MALRD1: variants seen among roughly 807,000 people sequenced by gnomAD.
The protein encoded by MALRD1 is MAM and LDL receptor class A domain containing 1, also known as MAM and LDL-receptor class A domain-containing protein 1.
In MALRD1, 247 loss-of-function variants were observed where a neutral mutation model predicts 242.1. The ratio of observed to expected loss-of-function variants is 1.02; its 90% confidence interval spans 0.92 to 1.13. MALRD1 has a LOEUF of 1.13. MALRD1 is among the 50% of genes most tolerant of loss of function. The pLI is 0.00. For synonymous variants in MALRD1, 995 were observed against 866.6 expected (o/e 1.15, Z -2.60); for missense variants, 2,989 against 2,533.1 (o/e 1.18, Z -3.86).
chr10:19,730,868 T>C (rs967092485), intron 39 of MALRD1, 87 bp downstream of exon 39: 1 of 1,213,370 alleles, frequency 8.2e-7, no homozygotes, highest in South Asian at 1.4e-5. Flanking sequence ...CCAGTGTTGC[T>C]TGATCATGTT....
chr10:19,593,460 T>C (rs570148773), intron 33 of MALRD1, among the ~76,000 whole-genome samples: 112 of 152,314 alleles, frequency 7.4e-4, no homozygotes, highest in Non-Finnish European at 1.4e-3. Flanking sequence ...TCTTTACATA[T>C]AACACAAATT....
chr10:19,713,283 G>A (rs1834227803), intron 38 of MALRD1, among the ~76,000 whole-genome samples: 1 of 152,160 alleles, frequency 6.6e-6, no homozygotes, highest in Admixed American at 6.5e-5. Context: ...ATGTTTCTAA[G>A]CATTTATTCT....
At chr10:19,696,801 A>T (rs759114851) in intron 38 of MALRD1, among the ~76,000 whole-genome samples, 15 of 151,994 alleles carry the variant, frequency 9.9e-5, no homozygotes, top group Non-Finnish European at 1.8e-4. Flanking sequence ...CTGTAATCCC[A>T]GCTGCTTGGG....
chr10:19,258,864 G>T (rs756740595), intron 19 of MALRD1, among the ~76,000 whole-genome samples: 2 of 152,022 alleles, frequency 1.3e-5, no homozygotes, highest in East Asian at 1.9e-4. Flanking sequence ...TCTCAATCCT[G>T]CCACTCCTGT....
intron 36 of MALRD1, among the ~76,000 whole-genome samples, chr10:19,642,624 G>A (rs746974014): frequency 2.0e-5 from 3 of 152,116 alleles, no homozygotes; most frequent in Non-Finnish European, 4.4e-5. Context: ...CTAAAGCTAG[G>A]AACAAATTAG....
chr10:19,050,884 A>G (rs538097232), intron 1 of MALRD1, among the ~76,000 whole-genome samples: 2 of 152,332 alleles, frequency 1.3e-5, no homozygotes, highest in South Asian at 4.1e-4. Flanking sequence ...TTCAGAGAAA[A>G]GGTTAACGTG....
rs78420557 is a variant in MALRD1, at chr10:19,437,943, C to A, written c.4846-12364C>A. ...TTGCCCCATTCCAAGTCCTTCCTTA[C>A]AATTTTTGGTAGTTTCTTTTTGAGA... is the stretch of plus-strand genomic sequence containing the variant. On this transcript the variant is annotated intron_variant, in intron 28 of 39. Coordinates refer to ENST00000454679, the MANE Select transcript of MALRD1 (RefSeq NM_001142308.3). Among the ~76,000 whole-genome samples, 994 of 152,160 alleles carry A rather than the reference C, an allele frequency of 6.5e-3. 12 individuals are homozygous for A. Among genetic ancestry groups the A allele is most frequent in the Admixed American group, 0.024 (362 of 15,278 alleles).
At chr10:19,282,927 T>G in intron 20 of MALRD1, 92 bp from the exon 21 acceptor site, 1 of 902,004 alleles carries the variant, frequency 1.1e-6, no homozygotes, top group South Asian at 4.3e-5. Context: ...ACATTAGAAT[T>G]AAAAACAAGA....
intron 26 of MALRD1, among the ~76,000 whole-genome samples, chr10:19,363,039 A>C (rs765550957): frequency 6.6e-6 from 1 of 152,114 alleles, no homozygotes; most frequent in Non-Finnish European, 1.5e-5. Flanking sequence ...GAGTTCAGGC[A>C]TTCAATTTGG....
chr10:19,467,818 G>T (rs1412945239), intron 29 of MALRD1, among the ~76,000 whole-genome samples: 1 of 149,806 alleles, frequency 6.7e-6, no homozygotes. Flanking sequence ...TTTTGAGGTG[G>T]AGTTTCACTC....
At chr10:19,137,869 A>T (rs1833404671) in intron 10 of MALRD1, among the ~76,000 whole-genome samples, 1 of 152,222 alleles carries the variant, frequency 6.6e-6, no homozygotes, top group South Asian at 2.1e-4. Context: ...AATTCCAAGG[A>T]TATGAATCCA....
At position 19,283,312 on chromosome 10, in the gene MALRD1, G is replaced by A; in HGVS notation, c.3419+131G>A. 3.9e-6 allele frequency: 3 copies of A among 761,540 alleles called. No individual in the cohort carries two copies. In the South Asian group the frequency reaches 1.8e-4, roughly 46 times the overall value. 47.2% of individuals were successfully genotyped at this position (761,540 alleles called of 1,614,324 possible). A position where few individuals can be genotyped will look rare whatever the true frequency, so the allele number is the denominator to read the frequency against. ...CAAATGTTAAGTTGAAAAGGAGGCT[G>A]TTTTCTTTCATACAAAATGGAAAAA... On this transcript the variant is annotated intron_variant, in intron 21 of 39. Transcript: ENST00000454679.
intron 2 of MALRD1, among the ~76,000 whole-genome samples, chr10:19,085,515 A>T (rs1163729147): frequency 1.3e-5 from 2 of 152,018 alleles, no homozygotes; most frequent in Non-Finnish European, 2.9e-5. Flanking sequence ...TTACTAGAAA[A>T]AATGTCAAAA....
chr10:19,094,582 G>C (rs916753463), intron 4 of MALRD1, among the ~76,000 whole-genome samples: 10 of 151,796 alleles, frequency 6.6e-5, no homozygotes, highest in Non-Finnish European at 1.3e-4. Flanking sequence ...GCTGTAGACC[G>C]GAGCTGTTCC....
chr10:19,488,940 C>T (rs948776098), intron 29 of MALRD1: 3 of 410,816 alleles, frequency 7.3e-6, no homozygotes, highest in African/African-American at 2.1e-5. Flanking sequence ...ATTAAGATCC[C>T]GTGTACTGAA....
chr10:19,572,010 C>G (rs925632352), intron 33 of MALRD1, among the ~76,000 whole-genome samples: 11 of 152,214 alleles, frequency 7.2e-5, no homozygotes, highest in Middle Eastern at 3.4e-3. Context: ...CCACAAACTC[C>G]CATAATCAGA....
At chr10:19,288,537 A>G (rs549781186) in intron 21 of MALRD1, among the ~76,000 whole-genome samples, 12 of 151,910 alleles carry the variant, frequency 7.9e-5, no homozygotes, top group East Asian at 1.9e-4. Flanking sequence ...CTCCTCACAT[A>G]TACATGGTAA....
At chr10:19,626,308 T>TC (rs1839648784) in intron 36 of MALRD1, among the ~76,000 whole-genome samples, 1 of 151,240 alleles carries the variant, frequency 6.6e-6, no homozygotes, top group Non-Finnish European at 1.5e-5. Flanking sequence ...TTTTTTTTTT[T>TC]TTTTTTAAGT....
Position 19,049,039 on chromosome 10 carries a change from G to C in MALRD1, c.101G>C (p.Gly34Ala). 4 of 1,233,842 alleles carry C rather than the reference G, an allele frequency of 3.2e-6. No homozygotes were observed. Among genetic ancestry groups the C allele is most frequent in the Non-Finnish European group, 4.0e-6 (4 of 988,122 alleles). The allele number at this position is 1,233,842 out of a possible 1,614,324, so 76.4% of individuals were successfully genotyped here. ...TTCAATTCTACACTGGCTCAGCAAG[G>C]GACAGAAAGCTTTCAGTGTGACAAT... Reference protein sequence around the residue: ...CVFNSTLAQQGTESFQCDNGV... With the variant: ...CVFNSTLAQQATESFQCDNGV... The change falls in exon 1 of 40, where the codon GGG becomes GCG. Residue 34 changes from glycine (G) to alanine (A), a missense_variant. By Grantham distance (60) the Gly-to-Ala change is moderately conservative. Coordinates refer to ENST00000454679, the MANE Select transcript of MALRD1 (RefSeq NM_001142308.3).
Sources: gnomAD v4.1 joint callset for allele counts (sites outside exome capture counted in the v4.1 genomes callset) on GRCh38, gnomAD v4.1.1 for gene constraint, MANE v1.5 for transcripts, NCBI Gene and HGNC (gene_info 2026-07-23, HGNC 2026-07-21) for gene names.